The following MEGF8 variants were observed in gnomAD, a reference collection of about 807,000 sequenced individuals.
MEGF8 encodes the protein multiple EGF like domains 8.
In MEGF8, 156 loss-of-function variants were observed where a neutral mutation model predicts 302.9. That is an observed-to-expected ratio of 0.52 (90% CI 0.45 to 0.59). MEGF8 has a LOEUF of 0.59. MEGF8 is among the 20% of genes least tolerant of loss of function. MEGF8 has a pLI of 0.00. For missense variants in MEGF8, 3,345 were observed against 3,964.5 expected, an observed-to-expected ratio of 0.84 and a Z score of 4.20; for synonymous variants, 1,621 against 1,660.5, an observed-to-expected ratio of 0.98 and a Z score of 0.58.
At position 42,356,732 on chromosome 19, in the gene MEGF8, G is replaced by A. The variant is rs1420815755; in HGVS notation, c.4623-42G>A. The A allele has an allele frequency of 6.6e-7, 1 of 1,512,750 alleles. No individual in the cohort carries two copies. Among genetic ancestry groups the A allele is most frequent in the Non-Finnish European group, 8.9e-7 (1 of 1,123,778 alleles). The allele number at this position is 1,512,750 out of a possible 1,614,324, so 93.7% of individuals were successfully genotyped here. Reference sequence around the variant, plus strand: ...GGCAGGGTCACCTTGAAGGATGCTGGGATGACTGTAATGAGGCTGCTTTTT... The same window carrying A: ...GGCAGGGTCACCTTGAAGGATGCTGAGATGACTGTAATGAGGCTGCTTTTT... On this transcript the variant is annotated intron_variant, in intron 26 of 41. Transcript: ENST00000251268. This position sits in a 1 kb window ranked among gnomAD's most constrained non-coding sequence, Gnocchi z 5.2.
At position 42,335,325 on chromosome 19, in the gene MEGF8, C is replaced by G. The variant is rs2039111415; in HGVS notation, c.768C>G (p.Asp256Glu). ...GGQDLNNALG[D>E]LVLYNFSANT... ...AGGACCTCAACAATGCCCTGGGTGACCTCGTCCTATACAACTTCTCCGCCA... is the reference window on the plus strand; with the variant it reads ...AGGACCTCAACAATGCCCTGGGTGAGCTCGTCCTATACAACTTCTCCGCCA... Residue 256 changes from aspartate (D) to glutamate (E), a missense_variant, in exon 5 of 42, where the codon GAC becomes GAG. By Grantham distance (45) the Asp-to-Glu change is conservative. Transcript: ENST00000251268. The G allele has an allele frequency of 6.2e-7, 1 of 1,613,872 alleles. No individual in the cohort carries two copies. Among genetic ancestry groups the G allele is most frequent in the Admixed American group, 1.7e-5 (1 of 60,004 alleles).
At position 42,350,271 on chromosome 19, in the gene MEGF8, C is replaced by T. The variant is rs762624155; in HGVS notation, c.2623C>T (p.Arg875Cys). Residue 875 changes from arginine (R) to cysteine (C), a missense_variant, in exon 15 of 42, where the codon CGC becomes TGC. By Grantham distance (180) the Arg-to-Cys change is radical (BLOSUM62 -3). Coordinates refer to ENST00000251268, the MANE Select transcript of MEGF8 (RefSeq NM_001271938.2). The part of the protein sequence containing the change: ...WCLTSATCHL[R>C]QGGAHCGDDG... ...CCTGACCAGTGCCACCTGCCACCTG[C>T]GCCAGGGCGGAGCCCATTGCGGGGA... 5.0e-6 allele frequency: 8 copies of T among 1,611,196 alleles called. No individual in the cohort carries two copies. Among genetic ancestry groups the T allele is most frequent in the East Asian group, 2.2e-5 (1 of 44,890 alleles).
At chr19:42,333,932 G>T in intron 2 of MEGF8, 75 bp from the exon 3 acceptor site, 1 of 1,531,706 alleles carries the variant, frequency 6.5e-7, no homozygotes. Flanking sequence ...GGGTGGAAGG[G>T]GGCAGGAGTG....
chr19:42,356,708 G>T lies in MEGF8; in HGVS notation c.4623-66G>T. The T allele has an allele frequency of 1.4e-6, 2 of 1,464,412 alleles. No individual in the cohort carries two copies. The highest frequency in any genetic ancestry group is 1.8e-6 in the Non-Finnish European group (2 of 1,089,340). 90.7% of individuals were successfully genotyped at this position (1,464,412 alleles called of 1,614,324 possible). ...CAGGGGATGCGGGGACATCTGTCAG[G>T]CAGGGTCACCTTGAAGGATGCTGGG... On this transcript the variant is annotated intron_variant, in intron 26 of 41. Transcript: ENST00000251268. The surrounding 1 kb of genome is among the most constrained non-coding windows in gnomAD (Gnocchi z 5.2).
Position 42,357,556 on chromosome 19 carries a change from A to G in MEGF8, c.4983A>G (p.Ser1661=). ...AGCTGGCAACCGGCACCTGGGTGTC[A>G]GGAGCCCAGAGTGGGACACCCCCCA... The part of the protein sequence containing the change: ...EYQLATGTWV[S]GAQSGTPPTG... Residue 1661 remains serine (S), a synonymous_variant, in exon 28 of 42, where the codon TCA becomes TCG. Transcript: ENST00000251268. The surrounding 1 kb of genome is among the most constrained non-coding windows in gnomAD (Gnocchi z 5.2). The G allele has an allele frequency of 6.2e-7, 1 of 1,611,238 alleles. No homozygotes were observed. The highest frequency in any genetic ancestry group is 2.2e-5 in the East Asian group (1 of 44,784).
In MEGF8 at chr19:42,358,437, A is replaced by T; in HGVS notation, c.5175+130A>T. On this transcript the variant is annotated intron_variant, in intron 29 of 41. Coordinates refer to ENST00000251268, the MANE Select transcript of MEGF8 (RefSeq NM_001271938.2). This position sits in a 1 kb window ranked among gnomAD's most constrained non-coding sequence, Gnocchi z 4.4. ...CCTTTCTATGTTCCCTAACTAAGCG[A>T]CACCCCCACATCTCCCCCGCTTCCA... 4 of 1,174,342 alleles carry T rather than the reference A, an allele frequency of 3.4e-6. No individual in the cohort carries two copies. Among genetic ancestry groups the T allele is most frequent in the Non-Finnish European group, 4.6e-6 (4 of 861,000 alleles). The allele number at this position is 1,174,342 out of a possible 1,614,324, so 72.7% of individuals were successfully genotyped here.
At position 42,356,425 on chromosome 19, in the gene MEGF8, C is replaced by A; in HGVS notation, c.4594C>A (p.Pro1532Thr). ...TLWMFGGLGLPQGLLGNLYRY... is the reference protein window; with the variant it reads ...TLWMFGGLGLTQGLLGNLYRY... Reference sequence around the variant, plus strand: ...GTGGATGTTTGGGGGCCTGGGCCTGCCCCAGGGGCTGCTGGGAAACCTGTA... The same window carrying A: ...GTGGATGTTTGGGGGCCTGGGCCTGACCCAGGGGCTGCTGGGAAACCTGTA... Residue 1532 changes from proline to threonine, a missense_variant, in exon 26 of 42, where the codon CCC becomes ACC. Pro to Thr is a conservative substitution (Grantham distance 38, BLOSUM62 -1). Coordinates refer to ENST00000251268, the MANE Select transcript of MEGF8 (RefSeq NM_001271938.2). The surrounding 1 kb of genome is among the most constrained non-coding windows in gnomAD (Gnocchi z 5.2). The A allele has an allele frequency of 6.2e-7, 1 of 1,607,934 alleles. No homozygotes were observed.
At chr19:42,327,580 G>A (rs1455963191) in intron 1 of MEGF8, among the ~76,000 whole-genome samples, 1 of 152,352 alleles carries the variant, frequency 6.6e-6, no homozygotes, top group East Asian at 1.9e-4. Context: ...CTCCGAGGCT[G>A]TTTGTTTTCC....
At chr19:42,340,570 T>C (rs1053233243) in intron 8 of MEGF8, among the ~76,000 whole-genome samples, 6 of 151,966 alleles carry the variant, frequency 3.9e-5, no homozygotes, top group African/African-American at 1.2e-4. Flanking sequence ...TTTCACTGTG[T>C]TGACCTTGTG....
In MEGF8 at chr19:42,368,724, AAC is replaced by A; in HGVS notation, c.6481+64_6481+65del. ...CCCTTGGTTGGGGTCTGATACAGTGAACATAGGGATACTGGGCCAGACCCAGA... is the reference window on the plus strand; with the variant it reads ...CCCTTGGTTGGGGTCTGATACAGTGAATAGGGATACTGGGCCAGACCCAGA... On this transcript the variant is annotated intron_variant, in intron 36 of 41. Transcript: ENST00000251268. This position sits in a 1 kb window ranked among gnomAD's most constrained non-coding sequence, Gnocchi z 4.9. 6.5e-7 allele frequency: 1 copy of A among 1,543,120 alleles called. No homozygotes were observed. The highest frequency in any genetic ancestry group is 8.7e-7 in the Non-Finnish European group (1 of 1,146,582).
rs765931068 is a variant in MEGF8, at chr19:42,371,403, G to A, written c.7190G>A (p.Cys2397Tyr). The change falls in exon 41 of 42, where the codon TGT (cysteine) becomes TAT (tyrosine). Residue 2397 changes from cysteine to tyrosine, a missense_variant. Transcript: ENST00000251268. ...DTCNEQDGTGCPCQNNTETGT... is the reference protein window; with the variant it reads ...DTCNEQDGTGYPCQNNTETGT... Reference sequence around the variant, plus strand: ...TGTAACGAGCAGGATGGGACGGGCTGTCCATGTCAGAATAACACAGAGACG... The same window carrying A: ...TGTAACGAGCAGGATGGGACGGGCTATCCATGTCAGAATAACACAGAGACG... 22 of 1,613,962 alleles carry A rather than the reference G, an allele frequency of 1.4e-5. No individual in the cohort carries two copies. Among genetic ancestry groups the A allele is most frequent in the Non-Finnish European group, 1.8e-5 (21 of 1,179,890 alleles).
chr19:42,376,974 C>A lies in MEGF8; in HGVS notation c.*199C>A. 1 of 533,578 alleles carries A rather than the reference C, an allele frequency of 1.9e-6. No individual in the cohort carries two copies. 33.1% of individuals were successfully genotyped at this position (533,578 alleles called of 1,614,324 possible). ...GAGTACCTACTCTGTCAGGCACTGT[C>A]ATAGGCGTGGGGCAAAGCAGGAACC... On this transcript the variant is annotated 3_prime_UTR_variant, in exon 42 of 42. Coordinates refer to ENST00000251268, the MANE Select transcript of MEGF8 (RefSeq NM_001271938.2). This position sits in a 1 kb window ranked among gnomAD's most constrained non-coding sequence, Gnocchi z 8.2.
At chr19:42,339,336 C>T (rs1282056620) in intron 8 of MEGF8, among the ~76,000 whole-genome samples, 2 of 152,164 alleles carry the variant, frequency 1.3e-5, no homozygotes, top group African/African-American at 4.8e-5. Flanking sequence ...TCCACAATGC[C>T]TGAACTAATT....
chr19:42,365,474 G>A (rs1361210377), intron 35 of MEGF8, among the ~76,000 whole-genome samples: 1 of 151,976 alleles, frequency 6.6e-6, no homozygotes, highest in Non-Finnish European at 1.5e-5. Context: ...TAGCTTTAAA[G>A]TGATGGCTTA....
At position 42,357,634 on chromosome 19, in the gene MEGF8, C is replaced by T. The variant is rs745872777; in HGVS notation, c.5011+50C>T. Reference sequence around the variant, plus strand: ...CAGCCCCCGTGGACCTCCCGGGCATCTGGGCTTCCTGTGGGCTCTCCATCC... The same window carrying T: ...CAGCCCCCGTGGACCTCCCGGGCATTTGGGCTTCCTGTGGGCTCTCCATCC... On this transcript the variant is annotated intron_variant, in intron 28 of 41. Coordinates refer to ENST00000251268, the MANE Select transcript of MEGF8 (RefSeq NM_001271938.2). This position sits in a 1 kb window ranked among gnomAD's most constrained non-coding sequence, Gnocchi z 5.2. 1.3e-6 allele frequency: 2 copies of T among 1,505,878 alleles called. No homozygotes were observed. Among genetic ancestry groups the T allele is most frequent in the South Asian group, 1.2e-5 (1 of 82,130 alleles). 93.3% of individuals were successfully genotyped at this position (1,505,878 alleles called of 1,614,324 possible).
chr19:42,354,503 C>G lies in MEGF8; in HGVS notation c.4012-85C>G, dbSNP rs1178153592. ...CATTTCCCAGTCTCAGATTGCCCTC[C>G]CCTCTTGAACCCCTCCTCCTCCCAG... On this transcript the variant is annotated intron_variant, in intron 22 of 41. Transcript: ENST00000251268. The surrounding 1 kb of genome is among the most constrained non-coding windows in gnomAD (Gnocchi z 4.3). 1 of 1,467,762 alleles carries G rather than the reference C, an allele frequency of 6.8e-7. No individual in the cohort carries two copies. The highest frequency in any genetic ancestry group is 1.4e-5 in the African/African-American group (1 of 71,636). 90.9% of individuals were successfully genotyped at this position (1,467,762 alleles called of 1,614,324 possible). A position where few individuals can be genotyped will look rare whatever the true frequency, so the allele number is the denominator to read the frequency against.
At position 42,336,886 on chromosome 19, in the gene MEGF8, C is replaced by T. The variant is rs1568557663; in HGVS notation, c.1324C>T (p.Leu442Phe). ...VWTTLKGRDGLQGPRERAFHT... is the reference protein window; with the variant it reads ...VWTTLKGRDGFQGPRERAFHT... ...GACGACGCTGAAGGGGCGGGATGGGCTTCAGGGCCCAAGGGAGCGAGCCTT... is the reference window on the plus strand; with the variant it reads ...GACGACGCTGAAGGGGCGGGATGGGTTTCAGGGCCCAAGGGAGCGAGCCTT... The change falls in exon 7 of 42, where the codon CTT becomes TTT. Residue 442 changes from leucine (L) to phenylalanine (F), a missense_variant. Coordinates refer to ENST00000251268, the MANE Select transcript of MEGF8 (RefSeq NM_001271938.2). This position sits in a 1 kb window ranked among gnomAD's most constrained non-coding sequence, Gnocchi z 4.8. 2 of 1,613,380 alleles carry T rather than the reference C, an allele frequency of 1.2e-6. No individual in the cohort carries two copies. The highest frequency in any genetic ancestry group is 1.7e-6 in the Non-Finnish European group (2 of 1,179,712).
intron 1 of MEGF8, among the ~76,000 whole-genome samples, chr19:42,328,879 G>T (rs1312092664): frequency 6.6e-6 from 1 of 152,122 alleles, no homozygotes. Context: ...TCTCAGACTG[G>T]TTGGGAATGG....
At position 42,368,946 on chromosome 19, in the gene MEGF8, C is replaced by T. The variant is rs2039646210; in HGVS notation, c.6585C>T (p.Cys2195=). The T allele has an allele frequency of 6.2e-7, 1 of 1,613,918 alleles. No individual in the cohort carries two copies. The highest frequency in any genetic ancestry group is 8.5e-7 in the Non-Finnish European group (1 of 1,179,904). ...GHHDCNETQN[C]HDQPHGYECS... ...ACGACTGCAACGAGACGCAGAATTG[C>T]CACGACCAGCCCCACGGCTATGAGT... The change falls in exon 37 of 42, where the codon TGC becomes TGT. Residue 2195 remains cysteine, a synonymous_variant. Coordinates refer to ENST00000251268, the MANE Select transcript of MEGF8 (RefSeq NM_001271938.2). The surrounding 1 kb of genome is among the most constrained non-coding windows in gnomAD (Gnocchi z 4.9).
Sources: allele counts gnomAD v4.1 joint callset (sites outside exome capture counted in the v4.1 genomes callset), GRCh38; gene constraint gnomAD v4.1.1; non-coding constraint Gnocchi (gnomAD v3.1); transcripts MANE v1.5; gene names NCBI Gene and HGNC (gene_info 2026-07-23, HGNC 2026-07-21).